The following FARS2 variants were observed in gnomAD, a reference collection of about 807,000 sequenced individuals.
The protein encoded by FARS2 is phenylalanine--tRNA ligase, mitochondrial.
FARS2 carries 40 observed loss-of-function variants against 46.4 expected under a neutral mutation model. The observed-to-expected ratio is 0.86, with a 90% confidence interval of 0.67 to 1.12. The LOEUF (loss-of-function observed/expected upper bound fraction) is 1.12, where lower values mean the gene tolerates loss of function less well. Ranked by LOEUF, FARS2 falls within the 50% of genes most tolerant of loss-of-function variation. FARS2 has a pLI of 0.00. For synonymous variants in FARS2, 234 were observed against 214.9 expected (o/e 1.09, Z -0.78); for missense variants, 513 against 567.9 (o/e 0.90, Z 0.98).
chr6:5,341,208 TATATATATATATATATATATATATATA>T (rs1323398521), intron 1 of FARS2, among the ~76,000 whole-genome samples: 82 of 5,338 alleles, frequency 0.015, no homozygotes, highest in African/African-American at 0.026. Flanking sequence ...TATATATATA[TATATATATATATATATATATATATATA>T]TTTTTTTTTT....
At chr6:5,521,847 T>A (rs1769159647) in intron 4 of FARS2, among the ~76,000 whole-genome samples, 1 of 152,234 alleles carries the variant, frequency 6.6e-6, no homozygotes, top group South Asian at 2.1e-4. Flanking sequence ...TTATCTTCTT[T>A]ATAACTGTTT....
chr6:5,588,091 C>T (rs12206147), intron 5 of FARS2, among the ~76,000 whole-genome samples: 16,711 of 151,980 alleles, frequency 0.11, 1,214 homozygotes, highest in Non-Finnish European at 0.17. Flanking sequence ...TCTTCATAAT[C>T]GAGTTTCCCC....
At chr6:5,673,574 C>T (rs78548290) in intron 6 of FARS2, among the ~76,000 whole-genome samples, 3,313 of 152,232 alleles carry the variant, frequency 0.022, 38 homozygotes, top group Middle Eastern at 0.031. Flanking sequence ...TCCAGCTAAA[C>T]GTATGCTAGT....
chr6:5,530,493 A>G (rs1456127257), intron 4 of FARS2, among the ~76,000 whole-genome samples: 1 of 152,016 alleles, frequency 6.6e-6, no homozygotes, highest in Non-Finnish European at 1.5e-5. Context: ...AGGTGGGGTT[A>G]TTGCATCCAT....
intron 1 of FARS2, among the ~76,000 whole-genome samples, chr6:5,305,830 T>A (rs1768661206): frequency 6.6e-6 from 1 of 152,140 alleles, no homozygotes; most frequent in Admixed American, 6.6e-5. Context: ...GTAACTGGAT[T>A]AGGAATGAGT....
chr6:5,469,382 G>A (rs533347406), intron 4 of FARS2, among the ~76,000 whole-genome samples: 3 of 152,334 alleles, frequency 2.0e-5, no homozygotes, highest in Admixed American at 2.0e-4. Flanking sequence ...TCCCTGCTGT[G>A]TGTCCTTCAG....
chr6:5,263,594 G>A (rs1407209829), intron 1 of FARS2, among the ~76,000 whole-genome samples: 1 of 152,182 alleles, frequency 6.6e-6, no homozygotes, highest in African/African-American at 2.4e-5. Flanking sequence ...TTACACATAC[G>A]TCCTTTAATA....
intron 4 of FARS2, among the ~76,000 whole-genome samples, chr6:5,474,296 G>A (rs1018471707): frequency 6.6e-6 from 1 of 152,226 alleles, no homozygotes; most frequent in South Asian, 2.1e-4. Context: ...ATGTTGGGCA[G>A]TGTACCGGGT....
At chr6:5,366,859 C>T (rs1390828616) in intron 1 of FARS2, among the ~76,000 whole-genome samples, 1 of 152,092 alleles carries the variant, frequency 6.6e-6, no homozygotes, top group African/African-American at 2.4e-5. Context: ...GATTTTGTGC[C>T]AAGATGTGTA....
chr6:5,673,852 AATAT>A (rs1778611233), intron 6 of FARS2, among the ~76,000 whole-genome samples: 1 of 152,094 alleles, frequency 6.6e-6, no homozygotes, highest in African/African-American at 2.4e-5. Flanking sequence ...TATACATATA[AATAT>A]ATATAATGTA....
At chr6:5,732,475 C>T (rs1760699170) in intron 6 of FARS2, among the ~76,000 whole-genome samples, 1 of 152,172 alleles carries the variant, frequency 6.6e-6, no homozygotes, top group African/African-American at 2.4e-5. Context: ...CCCTTCTGAC[C>T]CGTTCCCCCA....
chr6:5,539,030 C>A (rs901835533), intron 4 of FARS2, among the ~76,000 whole-genome samples: 2 of 152,048 alleles, frequency 1.3e-5, no homozygotes, highest in African/African-American at 4.8e-5. Flanking sequence ...GTCACCTCAG[C>A]ACTGGGTCCT....
intron 4 of FARS2, among the ~76,000 whole-genome samples, chr6:5,515,690 A>G (rs941293163): frequency 1.3e-5 from 2 of 152,208 alleles, no homozygotes; most frequent in Admixed American, 1.3e-4. Flanking sequence ...TGGCCTCCCA[A>G]AGTGCTGGGA....
chr6:5,428,775 G>A (rs191009680), intron 3 of FARS2, among the ~76,000 whole-genome samples: 10 of 152,280 alleles, frequency 6.6e-5, no homozygotes, highest in East Asian at 1.9e-4. Flanking sequence ...GTGGCTCTGC[G>A]TGTCTGAGCT....
At chr6:5,604,570 TGCAG>T (rs1255053791) in intron 5 of FARS2, among the ~76,000 whole-genome samples, 1 of 152,204 alleles carries the variant, frequency 6.6e-6, no homozygotes, top group Non-Finnish European at 1.5e-5. Flanking sequence ...AACTGTGAGC[TGCAG>T]GCAGGGGTTT....
intron 3 of FARS2, among the ~76,000 whole-genome samples, chr6:5,405,787 C>G (rs575394287): frequency 1.3e-5 from 2 of 151,638 alleles, no homozygotes; most frequent in Non-Finnish European, 2.9e-5. Context: ...CCACGGCGCC[C>G]GGCCCAGTGG....
At position 5,770,948 on chromosome 6, in the gene FARS2, G is replaced by A. The variant is rs375011612; in HGVS notation, c.1218-343G>A. On this transcript the variant is annotated intron_variant, in intron 6 of 6. Transcript: ENST00000274680. ...TGTCTGCTTGTTAGAATCACGTCGG[G>A]AACCGGGGACAGGCTTAGAAGCCCA... Among the ~76,000 whole-genome samples the A allele has an allele frequency of 1.8e-3, 276 of 152,204 alleles. 3 individuals carry two copies. The highest frequency in any genetic ancestry group is 6.5e-3 in the African/African-American group (269 of 41,528).
intron 4 of FARS2, chr6:5,466,754 T>C (rs1168969810): frequency 2.0e-6 from 2 of 980,346 alleles, no homozygotes; most frequent in Non-Finnish European, 2.4e-6. Flanking sequence ...GTGCCTGGGA[T>C]CTGTAGACTG....
chr6:5,374,399 TAA>T (rs1759248720), intron 2 of FARS2, among the ~76,000 whole-genome samples: 1 of 151,844 alleles, frequency 6.6e-6, no homozygotes, highest in South Asian at 2.1e-4. Context: ...ACTATTAATA[TAA>T]AAAAAGAGTG....
Sources: allele counts gnomAD v4.1 joint callset (sites outside exome capture counted in the v4.1 genomes callset), GRCh38; gene constraint gnomAD v4.1.1; transcripts MANE v1.5; gene names NCBI Gene and HGNC (gene_info 2026-07-23, HGNC 2026-07-21).